The following PIGN variants were observed in gnomAD, a reference collection of about 807,000 sequenced individuals.
PIGN encodes the protein phosphatidylinositol glycan anchor biosynthesis class N, also known as GPI ethanolamine phosphate transferase 1.
A neutral mutation model predicts 125.4 loss-of-function variants in PIGN; 117 were observed. The ratio of observed to expected loss-of-function variants is 0.93; its 90% CI spans 0.80 to 1.09. The LOEUF (loss-of-function observed/expected upper bound fraction) is 1.09, where lower values mean the gene tolerates loss of function less well. Ranked by LOEUF, PIGN falls within the 50% of genes least tolerant of loss-of-function variation. PIGN has a pLI of 0.00. For synonymous variants in PIGN, 392 were observed against 377.8 expected, an observed-to-expected ratio of 1.04 and a Z score of -0.44; for missense variants, 1,075 against 1,094.9, an observed-to-expected ratio of 0.98 and a Z score of 0.26.
intron 17 of PIGN, among the ~76,000 whole-genome samples, chr18:62,108,088 A>C (rs944498799): frequency 5.9e-5 from 9 of 152,322 alleles, no homozygotes; most frequent in African/African-American, 2.2e-4. Flanking sequence ...CAACAGCTGC[A>C]GAATTTCATC....
chr18:62,177,624 G>A (rs781206166), intron 1 of PIGN, among the ~76,000 whole-genome samples: 1 of 151,846 alleles, frequency 6.6e-6, no homozygotes, highest in Non-Finnish European at 1.5e-5. Flanking sequence ...TTTATATTTC[G>A]AATATTATAA....
chr18:62,113,761 C>CA (rs955206239), intron 15 of PIGN, among the ~76,000 whole-genome samples: 1 of 151,712 alleles, frequency 6.6e-6, no homozygotes, highest in East Asian at 1.9e-4. Flanking sequence ...TTAAAATCAT[C>CA]AAAAAAAGCA....
chr18:62,151,418 T>A (rs764484841), intron 7 of PIGN, among the ~76,000 whole-genome samples: 1 of 152,204 alleles, frequency 6.6e-6, no homozygotes, highest in East Asian at 1.9e-4. Context: ...TGTGCATTAA[T>A]AGACCAAATG....
At chr18:62,062,020 TCA>T (rs2032179363) in intron 30 of PIGN, among the ~76,000 whole-genome samples, 1 of 152,148 alleles carries the variant, frequency 6.6e-6, no homozygotes, top group Non-Finnish European at 1.5e-5. Flanking sequence ...ACCACATGGT[TCA>T]CAGAGGCACT....
intron 30 of PIGN, among the ~76,000 whole-genome samples, chr18:62,051,183 C>A (rs1444052645): frequency 1.3e-5 from 2 of 151,428 alleles, no homozygotes; most frequent in Non-Finnish European, 2.9e-5. Context: ...GTGTCTCTGC[C>A]CGGCTTTGGT....
At chr18:62,050,912 G>A (rs930379587) in intron 30 of PIGN, among the ~76,000 whole-genome samples, 9 of 151,264 alleles carry the variant, frequency 5.9e-5, no homozygotes, top group African/African-American at 7.3e-5. Flanking sequence ...TAGCATGAAC[G>A]GTTGTTGAAT....
Position 62,161,982 on chromosome 18 carries a change from T to C in PIGN, c.-33+271A>G, listed in dbSNP as rs182962676. On this transcript the variant is annotated intron_variant, in intron 3 of 30. Transcript: ENST00000640252. ...TATTCTATCACATTTGGCAGAATCATATGAAGTTAAATTTCATCTGTGCTT... is the reference window on the plus strand; with the variant it reads ...TATTCTATCACATTTGGCAGAATCACATGAAGTTAAATTTCATCTGTGCTT... Among the ~76,000 whole-genome samples, 7 of 152,306 alleles carry C rather than the reference T, an allele frequency of 4.6e-5. No homozygotes were observed. The East Asian group carries it at 5.8e-4, about 13-fold the overall frequency.
intron 4 of PIGN, among the ~76,000 whole-genome samples, chr18:62,159,562 G>A (rs2036864844): frequency 6.6e-6 from 1 of 151,976 alleles, no homozygotes; most frequent in African/African-American, 2.4e-5. Flanking sequence ...ACTTAACCTT[G>A]GTTTGATCTT....
chr18:62,041,648 TGTGTGTG>T lies in PIGN; in HGVS notation c.*4201_*4207del, dbSNP rs2030383735. ...AGCCTACCACCCCGCCGGGTGTGTG[TGTGTGTG>T]TGTGTGTGTGTGTGTGTGTGTGTGT... On this transcript the variant is annotated 3_prime_UTR_variant, in exon 31 of 31. Transcript: ENST00000640252. 1 of 110,710 alleles carries T rather than the reference TGTGTGTG, an allele frequency of 9.0e-6. No homozygotes were observed. Among genetic ancestry groups the T allele is most frequent in the African/African-American group, 3.4e-5 (1 of 29,590 alleles). 6.9% of individuals were successfully genotyped at this position (110,710 alleles called of 1,614,324 possible).
At chr18:62,089,216 T>C (rs115625672) in intron 24 of PIGN, among the ~76,000 whole-genome samples, 402 of 152,264 alleles carry the variant, frequency 2.6e-3, no homozygotes, top group African/African-American at 9.5e-3. Flanking sequence ...CTAGATATGG[T>C]ATCATATTAA....
intron 23 of PIGN, among the ~76,000 whole-genome samples, chr18:62,094,392 C>A (rs930345361): frequency 1.3e-5 from 2 of 152,036 alleles, no homozygotes; most frequent in Non-Finnish European, 2.9e-5. Flanking sequence ...TATTTCTGGA[C>A]GCTTTCAAAC....
intron 22 of PIGN, among the ~76,000 whole-genome samples, chr18:62,098,530 T>G (rs1000280050): frequency 1.3e-5 from 2 of 152,202 alleles, no homozygotes; most frequent in African/African-American, 4.8e-5. Context: ...GTCTAAATGA[T>G]TGATAAGGTA....
intron 26 of PIGN, 56 bp downstream of exon 26, chr18:62,085,153 T>C: frequency 1.1e-6 from 1 of 944,534 alleles, no homozygotes; most frequent in East Asian, 2.6e-5. Flanking sequence ...GGTATAGAAG[T>C]CCCAGGTTGC....
intron 14 of PIGN, chr18:62,136,080 A>T (rs1364687881): frequency 2.0e-5 from 3 of 152,200 alleles, no homozygotes; most frequent in African/African-American, 4.8e-5. Flanking sequence ...ATATTTCTTG[A>T]AAAACATATG....
At chr18:62,037,681 A>ACG (rs2030278778), downstream of PIGN, among the ~76,000 whole-genome samples, 5 of 152,200 alleles carry the variant, frequency 3.3e-5, no homozygotes, top group Non-Finnish European at 2.9e-5. Context: ...GGTGAGCTGG[A>ACG]GAGACCTTTG....
intron 28 of PIGN, 172 bp from the exon 29 acceptor site, chr18:62,074,993 GATGAGCTGGACTGTAAA>G (rs2033098684): frequency 1.9e-6 from 1 of 516,790 alleles, no homozygotes. Context: ...ATACCATAGA[GATGAGCTGGACTGTAAA>G]ATGTGTTATT....
intron 30 of PIGN, among the ~76,000 whole-genome samples, chr18:62,058,326 G>A (rs62095269): frequency 0.33 from 50,927 of 152,088 alleles, 9,448 homozygotes; most frequent in East Asian, 0.63. Context: ...ACTGACTTGT[G>A]GAGTGGCTTG....
chr18:62,081,145 TA>T (rs1335959475), intron 28 of PIGN, among the ~76,000 whole-genome samples: 1 of 152,138 alleles, frequency 6.6e-6, no homozygotes, highest in Non-Finnish European at 1.5e-5. Context: ...ATAGACCTAA[TA>T]AACAAATAAG....
At chr18:62,078,156 A>C (rs2033268008) in intron 28 of PIGN, among the ~76,000 whole-genome samples, 1 of 152,170 alleles carries the variant, frequency 6.6e-6, no homozygotes, top group Non-Finnish European at 1.5e-5. Context: ...CTGGGTGTGA[A>C]ACAGAAAAGT....
Sources: gnomAD v4.1 joint callset for allele counts (sites outside exome capture counted in the v4.1 genomes callset) on GRCh38, gnomAD v4.1.1 for gene constraint, MANE v1.5 for transcripts, NCBI Gene and HGNC (gene_info 2026-07-23, HGNC 2026-07-21) for gene names.